ENDOU: variants seen among roughly 807,000 people sequenced by gnomAD.
ENDOU encodes endonuclease, poly(U) specific, also known as uridylate-specific endoribonuclease.
A neutral mutation model predicts 54.2 loss-of-function variants in ENDOU; 49 were observed. The observed-to-expected ratio is 0.90, with a 90% CI of 0.72 to 1.15. ENDOU has a LOEUF of 1.15. Ranked by LOEUF, ENDOU falls within the 50% of genes most tolerant of loss-of-function variation. The pLI is 0.00. For missense variants in ENDOU, 458 were observed against 511.4 expected, an observed-to-expected ratio of 0.90 and a Z score of 1.01; for synonymous variants, 172 against 190.5, an observed-to-expected ratio of 0.90 and a Z score of 0.80.
At chr12:47,713,744 G>C (rs1489710221) in intron 6 of ENDOU, among the ~76,000 whole-genome samples, 3 of 150,938 alleles carry the variant, frequency 2.0e-5, no homozygotes, top group South Asian at 2.1e-4. Flanking sequence ...AGTTGGCGGG[G>C]GGGGGGGGTC....
intron 9 of ENDOU, 75 bp downstream of exon 9, chr12:47,711,558 T>G (rs917407178): frequency 1.7e-5 from 26 of 1,512,394 alleles, no homozygotes; most frequent in Non-Finnish European, 3.6e-6. Context: ...AGAGTCCAGG[T>G]CTCTTGACTC....
At chr12:47,717,855 G>T in intron 3 of ENDOU, 200 bp from the exon 4 acceptor site, 1 of 614,862 alleles carries the variant, frequency 1.6e-6, no homozygotes, top group Non-Finnish European at 2.8e-6. Context: ...TTTCTGGCCT[G>T]CTGTTTTTCT....
chr12:47,710,954 C>G (rs199699290), intron 9 of ENDOU, 35 bp from the exon 10 acceptor site: 4 of 1,455,640 alleles, frequency 2.7e-6, no homozygotes, highest in Non-Finnish European at 3.8e-6. Flanking sequence ...GAGGAGCTCC[C>G]CACTTCACGC....
intron 3 of ENDOU, 32 bp from the exon 4 acceptor site, chr12:47,717,687 G>C: frequency 1.2e-6 from 2 of 1,608,950 alleles, no homozygotes; most frequent in Non-Finnish European, 1.7e-6. Flanking sequence ...GTCCCGGGCT[G>C]ACCTCTAGAG....
chr12:47,716,331 C>CA lies in ENDOU; in HGVS notation c.719dup (p.Met240IlefsTer23). ...GATGGAGGAAGCTGTAGAGCTCCTTCATGACTGCTGTCTTCATGATCTCTC... is the reference window on the plus strand; with the variant it reads ...GATGGAGGAAGCTGTAGAGCTCCTTCAATGACTGCTGTCTTCATGATCTCTC... On this transcript the variant is annotated frameshift_variant, in exon 6 of 10. Coordinates refer to ENST00000422538, the MANE Select transcript of ENDOU (RefSeq NM_001172439.2). LOFTEE classifies it high-confidence loss of function. The CA allele has an allele frequency of 6.2e-7, 1 of 1,614,134 alleles. No homozygotes were observed. Among genetic ancestry groups the CA allele is most frequent in the Non-Finnish European group, 8.5e-7 (1 of 1,180,030 alleles).
Position 47,711,625 on chromosome 12 carries a change from A to G in ENDOU, c.1115+8T>C, listed in dbSNP as rs748904815. On this transcript the variant is annotated splice_region_variant and intron_variant, in intron 9 of 9. Coordinates refer to ENST00000422538, the MANE Select transcript of ENDOU (RefSeq NM_001172439.2). ...TCTGCCCCCAGGCCTGGCTGGCCCCATTCTTACACTTTGCCTGGCCTGGCG... is the reference window on the plus strand; with the variant it reads ...TCTGCCCCCAGGCCTGGCTGGCCCCGTTCTTACACTTTGCCTGGCCTGGCG... 21 of 1,612,246 alleles carry G rather than the reference A, an allele frequency of 1.3e-5. No homozygotes were observed. Among genetic ancestry groups the G allele is most frequent in the Admixed American group, 5.0e-5 (3 of 59,858 alleles).
intron 1 of ENDOU, among the ~76,000 whole-genome samples, chr12:47,721,498 T>C (rs1288565344): frequency 6.6e-6 from 1 of 152,194 alleles, no homozygotes; most frequent in African/African-American, 2.4e-5. Context: ...TTTGCTTCTT[T>C]GCTCTTGTCT....
intron 8 of ENDOU, among the ~76,000 whole-genome samples, chr12:47,711,998 C>T (rs984536526): frequency 1.3e-5 from 2 of 152,286 alleles, no homozygotes; most frequent in South Asian, 2.1e-4. Context: ...GCACATCTAC[C>T]AGAAAGGCCA....
At chr12:47,718,101 G>A in intron 3 of ENDOU, 28 bp downstream of exon 3, 1 of 1,545,468 alleles carries the variant, frequency 6.5e-7, no homozygotes, top group Non-Finnish European at 8.8e-7. Context: ...TTTATCTTGA[G>A]GGCCCCCCTT....
At position 47,713,418 on chromosome 12, in the gene ENDOU, G is replaced by C. The variant is rs767196208; in HGVS notation, c.752-30C>G. 5.9e-6 allele frequency: 9 copies of C among 1,531,404 alleles called. No homozygotes were observed. In the African/African-American group the frequency reaches 8.2e-5, roughly 14 times the overall value. 94.9% of individuals were successfully genotyped at this position (1,531,404 alleles called of 1,614,324 possible). On this transcript the variant is annotated intron_variant, in intron 6 of 9. Coordinates refer to ENST00000422538, the MANE Select transcript of ENDOU (RefSeq NM_001172439.2). ...AGAGGAACACAAAGGGTTTTGGAGA[G>C]GGGAGGCAGGGCCAGGTCCTGGGAG...
Position 47,711,674 on chromosome 12 carries a change from A to G in ENDOU, c.1074T>C (p.Phe358=). Residue 358 remains phenylalanine, a synonymous_variant, in exon 9 of 10, where the codon TTT becomes TTC. Transcript: ENST00000422538. ...CGATGAAGCACAGGGAGTAGAGTGCAAACTCAAACTCAGGGCTGCTGCCGA... is the reference window on the plus strand; with the variant it reads ...CGATGAAGCACAGGGAGTAGAGTGCGAACTCAAACTCAGGGCTGCTGCCGA... The part of the protein sequence containing the change: ...AFIGSSPEFE[F]ALYSLCFIAR... 1 of 1,614,108 alleles carries G rather than the reference A, an allele frequency of 6.2e-7. No individual in the cohort carries two copies. The highest frequency in any genetic ancestry group is 8.5e-7 in the Non-Finnish European group (1 of 1,180,008).
chr12:47,711,596 C>T lies in ENDOU; in HGVS notation c.1115+37G>A, dbSNP rs554098422. ...TGATGGCTGAGGACAGCCTGCAGCC[C>T]CAGTCTGCCCCCAGGCCTGGCTGGC... On this transcript the variant is annotated intron_variant, in intron 9 of 9. Coordinates refer to ENST00000422538, the MANE Select transcript of ENDOU (RefSeq NM_001172439.2). 6.9e-6 allele frequency: 11 copies of T among 1,602,570 alleles called. No individual in the cohort carries two copies. In the Admixed American group the frequency reaches 1.0e-4, roughly 15 times the overall value.
intron 6 of ENDOU, 25 bp downstream of exon 6, chr12:47,716,275 C>T (rs112386428): frequency 6.2e-7 from 1 of 1,612,764 alleles, no homozygotes; most frequent in Non-Finnish European, 8.5e-7. Context: ...CTCATGCGCT[C>T]TGGGGCCTGG....
intron 7 of ENDOU, 102 bp downstream of exon 7, chr12:47,713,173 G>T (rs958132690): frequency 2.2e-5 from 18 of 806,252 alleles, no homozygotes; most frequent in Non-Finnish European, 3.9e-5. Flanking sequence ...CTACTAGCTG[G>T]CTGGACTGCT....
chr12:47,714,195 C>T (rs770991044), intron 6 of ENDOU, among the ~76,000 whole-genome samples: 12 of 152,142 alleles, frequency 7.9e-5, no homozygotes, highest in Non-Finnish European at 1.2e-4. Flanking sequence ...GAAACTGAGA[C>T]GGACAAAGTA....
chr12:47,713,172 G>A, intron 7 of ENDOU, 103 bp downstream of exon 7: 1 of 805,300 alleles, frequency 1.2e-6, no homozygotes, highest in Non-Finnish European at 2.1e-6. Flanking sequence ...CCTACTAGCT[G>A]GCTGGACTGC....
In ENDOU at chr12:47,717,908, C is replaced by G. The variant is rs1234397746; in HGVS notation, c.244+221G>C. On this transcript the variant is annotated intron_variant, in intron 3 of 9. Transcript: ENST00000422538. The stretch of plus-strand genomic sequence containing the variant: ...AATAAAATCTCTTCCACTTCCCTCT[C>G]CAGGCCTCAGGCTCTCTTTCCTAGC... The G allele has an allele frequency of 9.8e-6, 6 of 611,704 alleles. No individual in the cohort carries two copies. The African/African-American group carries it at 1.1e-4, about 11-fold the overall frequency. The allele number at this position is 611,704 out of a possible 1,614,324, so 37.9% of individuals were successfully genotyped here.
intron 6 of ENDOU, among the ~76,000 whole-genome samples, chr12:47,714,346 A>G (rs1940148585): frequency 6.6e-6 from 1 of 152,212 alleles, no homozygotes; most frequent in Non-Finnish European, 1.5e-5. Context: ...AAGCAGGGGA[A>G]TTGTATGATA....
Position 47,712,603 on chromosome 12 carries a change from C to G in ENDOU, c.885G>C (p.Lys295Asn). 1 of 1,614,028 alleles carries G rather than the reference C, an allele frequency of 6.2e-7. No individual in the cohort carries two copies. The highest frequency in any genetic ancestry group is 2.2e-5 in the East Asian group (1 of 44,882). Residue 295 changes from lysine (K) to asparagine (N), a missense_variant, in exon 8 of 10, where the codon AAG (lysine) becomes AAC (asparagine). Coordinates refer to ENST00000422538, the MANE Select transcript of ENDOU (RefSeq NM_001172439.2). ...GGATCCAGTTATGGAAGCCAGTAAC[C>G]TTGCCTTTTTTTACCTCACCTATAA... ...HVFSGEVKKG[K>N]VTGFHNWIRF...
Sources: gnomAD v4.1 joint callset for allele counts (sites outside exome capture counted in the v4.1 genomes callset) on GRCh38, gnomAD v4.1.1 for gene constraint, MANE v1.5 for transcripts, NCBI Gene and HGNC (gene_info 2026-07-23, HGNC 2026-07-21) for gene names.